WDR27: variants seen among roughly 807,000 people sequenced by gnomAD.
WDR27 encodes the protein WD repeat domain 27.
Under a neutral mutation model 114.4 loss-of-function variants are expected in WDR27, and 100 were observed. That is an observed-to-expected ratio of 0.87 (90% CI 0.74 to 1.03). The LOEUF (loss-of-function observed/expected upper bound fraction) is 1.03, where lower values mean the gene tolerates loss of function less well. Ranked by LOEUF, WDR27 falls within the 50% of genes least tolerant of loss-of-function variation. The probability of loss-of-function intolerance (pLI) is 0.00; values close to 1 mark genes in which losing one functional copy is unlikely to be tolerated. For missense variants in WDR27, 1,129 were observed against 1,092.9 expected, an observed-to-expected ratio of 1.03 and a Z score of -0.47; for synonymous variants, 449 against 423.1, an observed-to-expected ratio of 1.06 and a Z score of -0.75.
chr6:169,637,657 T>C (rs972216868), intron 18 of WDR27, among the ~76,000 whole-genome samples: 6 of 151,046 alleles, frequency 4.0e-5, no homozygotes, highest in Non-Finnish European at 5.9e-5. Flanking sequence ...CATCTCCATG[T>C]GTGTGAATAT....
At chr6:169,526,525 A>G (rs1327742455) in intron 25 of WDR27, among the ~76,000 whole-genome samples, 1 of 152,158 alleles carries the variant, frequency 6.6e-6, no homozygotes, top group Non-Finnish European at 1.5e-5. Context: ...AGGCAGGAGA[A>G]TCGCTTAAAC....
chr6:169,486,133 G>A (rs1221557111), intron 25 of WDR27, among the ~76,000 whole-genome samples: 1 of 151,316 alleles, frequency 6.6e-6, no homozygotes, highest in Non-Finnish European at 1.5e-5. Context: ...ATCTGCACAT[G>A]TACCCCTGAA....
At chr6:169,686,511 C>T (rs569997064) in intron 2 of WDR27, among the ~76,000 whole-genome samples, 52 of 152,130 alleles carry the variant, frequency 3.4e-4, no homozygotes, top group African/African-American at 1.2e-3. Flanking sequence ...ATGTGGACTA[C>T]GAGAAACTCA....
intron 25 of WDR27, among the ~76,000 whole-genome samples, chr6:169,480,274 C>T (rs1040938083): frequency 1.1e-4 from 16 of 152,304 alleles, no homozygotes; most frequent in African/African-American, 2.2e-4. Context: ...CGCCTCCCCG[C>T]GGGGCAGGGC....
intron 1 of WDR27, among the ~76,000 whole-genome samples, chr6:169,694,164 C>T (rs548581113): frequency 6.6e-6 from 1 of 151,978 alleles, no homozygotes; most frequent in Non-Finnish European, 1.5e-5. Context: ...AAAAATTAGC[C>T]GGGCGTGGTG....
chr6:169,526,695 C>T (rs533974407), intron 25 of WDR27, among the ~76,000 whole-genome samples: 47 of 151,974 alleles, frequency 3.1e-4, no homozygotes, highest in Non-Finnish European at 5.9e-4. Flanking sequence ...CTAAAAGATA[C>T]TATAAGGAAA....
At chr6:169,568,150 C>T (rs1800804087) in intron 25 of WDR27, among the ~76,000 whole-genome samples, 1 of 150,746 alleles carries the variant, frequency 6.6e-6, no homozygotes, top group Non-Finnish European at 1.5e-5. Flanking sequence ...CTGAGTCTGA[C>T]AGCAATCACT....
intron 22 of WDR27, among the ~76,000 whole-genome samples, chr6:169,609,454 G>A (rs893054686): frequency 1.3e-5 from 2 of 152,208 alleles, no homozygotes; most frequent in African/African-American, 2.4e-5. Flanking sequence ...CTGTGCACCC[G>A]TAGGCCCAAC....
rs535203276 is a variant in WDR27 at position 169,680,365 on chromosome 6, G to A, written c.190-7969C>T. ...TGGGAGGCCGAGGCAGGTGTATCAC[G>A]AGGTCAGGAGATCGAGACCATCCTG... On this transcript the variant is annotated intron_variant, in intron 2 of 25. Transcript: ENST00000448612. 1.1e-3 allele frequency among the ~76,000 whole-genome samples: 169 copies of A among 152,292 alleles called. 1 individual carries two copies. The highest frequency in any genetic ancestry group is 3.9e-3 in the African/African-American group (161 of 41,548).
At chr6:169,649,848 TCCC>T (rs772231360) in intron 14 of WDR27, among the ~76,000 whole-genome samples, 65 of 127,140 alleles carry the variant, frequency 5.1e-4, no homozygotes, top group African/African-American at 9.4e-4. Flanking sequence ...TCTCCATCCA[TCCC>T]CCCCATCAAT....
intron 24 of WDR27, among the ~76,000 whole-genome samples, chr6:169,576,915 A>G (rs1802446808): frequency 1.3e-5 from 2 of 151,982 alleles, no homozygotes; most frequent in Admixed American, 1.3e-4. Context: ...GAAAGATGGT[A>G]ACTTTCCTCA....
chr6:169,624,301 G>A (rs866315470), intron 21 of WDR27, among the ~76,000 whole-genome samples: 6 of 152,224 alleles, frequency 3.9e-5, no homozygotes, highest in African/African-American at 1.4e-4. Context: ...TCAGGTGTGT[G>A]GCATCAGGTG....
At chr6:169,589,445 A>G (rs942178668) in intron 23 of WDR27, among the ~76,000 whole-genome samples, 3 of 152,206 alleles carry the variant, frequency 2.0e-5, no homozygotes, top group African/African-American at 7.2e-5. Flanking sequence ...GCGCTTCCTG[A>G]GATCAGCTGG....
chr6:169,650,903 G>A (rs987302811), intron 14 of WDR27, among the ~76,000 whole-genome samples: 20 of 152,138 alleles, frequency 1.3e-4, no homozygotes, highest in African/African-American at 3.9e-4. Context: ...AGAGGGTCCA[G>A]GGTGCTGAGT....
chr6:169,568,685 T>A (rs1249834307), intron 25 of WDR27, among the ~76,000 whole-genome samples: 1 of 152,204 alleles, frequency 6.6e-6, no homozygotes, highest in Non-Finnish European at 1.5e-5. Context: ...CAATCCTACA[T>A]ATTCTTGAAG....
intron 25 of WDR27, among the ~76,000 whole-genome samples, chr6:169,500,856 C>T (rs1583808220): frequency 6.6e-6 from 1 of 152,228 alleles, no homozygotes; most frequent in East Asian, 1.9e-4. Flanking sequence ...AACAGCCACG[C>T]GAGCTGCGCT....
At chr6:169,433,046 G>C in the WDR27 span, among the ~76,000 whole-genome samples, 1 of 152,200 alleles carries the variant, frequency 6.6e-6, no homozygotes, top group Non-Finnish European at 1.5e-5. Context: ...TTGAGAACTG[G>C]AGTAAAGGTG....
intron 8 of WDR27, among the ~76,000 whole-genome samples, chr6:169,663,040 A>G (rs914735067): frequency 2.0e-5 from 3 of 151,492 alleles, no homozygotes; most frequent in Non-Finnish European, 4.4e-5. Flanking sequence ...GGTAACACCC[A>G]GGATGATGTG....
At chr6:169,457,804 A>T (rs1358963340) in intron 25 of WDR27, among the ~76,000 whole-genome samples, 170 bp from the exon 26 acceptor site, 1 of 152,186 alleles carries the variant, frequency 6.6e-6, no homozygotes, top group Non-Finnish European at 1.5e-5. Context: ...TATTATGCTG[A>T]TGATTAATTA....
Sources: gnomAD v4.1 joint callset for allele counts (sites outside exome capture counted in the v4.1 genomes callset) on GRCh38, gnomAD v4.1.1 for gene constraint, MANE v1.5 for transcripts, NCBI Gene and HGNC (gene_info 2026-07-23, HGNC 2026-07-21) for gene names.